Variants in TOMM34 observed in about 807,000 individuals in gnomAD.
TOMM34 encodes translocase of outer mitochondrial membrane 34.
In TOMM34, 24 loss-of-function variants were observed where a neutral mutation model predicts 37.4. The ratio of observed to expected loss-of-function variants is 0.64; its 90% CI spans 0.46 to 0.90. The LOEUF is 0.90. TOMM34 is among the 40% of genes least tolerant of loss of function. TOMM34 has a pLI of 0.00. For synonymous variants in TOMM34, 154 were observed against 148.9 expected (o/e 1.03, Z -0.25); for missense variants, 304 against 375.6 (o/e 0.81, Z 1.58).
chr20:44,947,772 G>C (rs1475699949), intron 5 of TOMM34, among the ~76,000 whole-genome samples: 1 of 152,122 alleles, frequency 6.6e-6, no homozygotes, highest in Admixed American at 6.5e-5. Context: ...CAAAGTGTTG[G>C]GATTACAGGC....
chr20:44,944,060 G>A (rs1005207940), intron 5 of TOMM34, among the ~76,000 whole-genome samples: 4 of 152,166 alleles, frequency 2.6e-5, no homozygotes, highest in African/African-American at 9.7e-5. Flanking sequence ...TTACTTTTAA[G>A]TGCATCAAAC....
chr20:44,951,205 A>G (rs1044319727), intron 4 of TOMM34, among the ~76,000 whole-genome samples: 8 of 152,142 alleles, frequency 5.3e-5, no homozygotes, highest in Non-Finnish European at 1.0e-4. Context: ...GGGGAAAAAA[A>G]TCCTATCTTT....
At chr20:44,955,881 T>C (rs1048613363) in intron 2 of TOMM34, among the ~76,000 whole-genome samples, 1 of 152,208 alleles carries the variant, frequency 6.6e-6, no homozygotes, top group African/African-American at 2.4e-5. Flanking sequence ...AGTTTAATGA[T>C]GATAAAAGAA....
intron 1 of TOMM34, among the ~76,000 whole-genome samples, chr20:44,957,584 C>T (rs755229880): frequency 4.6e-5 from 7 of 152,080 alleles, no homozygotes; most frequent in Non-Finnish European, 1.0e-4. Context: ...AATTTTGAAA[C>T]ATACAGAAGA....
In TOMM34 at chr20:44,951,913, C is replaced by A; in HGVS notation, c.470G>T (p.Arg157Met). 1.2e-6 allele frequency: 2 copies of A among 1,614,102 alleles called. No individual in the cohort carries two copies. The highest frequency in any genetic ancestry group is 1.7e-6 in the Non-Finnish European group (2 of 1,179,986). ...GTTCTCCGAAGGCAAGGAATTCCACCTCTTCTGAGCTGAAACAGGCACCAA... is the reference window on the plus strand; with the variant it reads ...GTTCTCCGAAGGCAAGGAATTCCACATCTTCTGAGCTGAAACAGGCACCAA... ...IPLVPVSAQK[R>M]WNSLPSENHK... Residue 157 changes from arginine (R) to methionine (M), a missense_variant, in exon 4 of 7, where the codon AGG (arginine) becomes ATG (methionine). Coordinates refer to ENST00000372813, the MANE Select transcript of TOMM34 (RefSeq NM_006809.5).
intron 2 of TOMM34, among the ~76,000 whole-genome samples, chr20:44,956,140 G>C (rs1458864331): frequency 1.3e-5 from 2 of 152,136 alleles, no homozygotes; most frequent in African/African-American, 4.8e-5. Flanking sequence ...TTTACGGCCT[G>C]CTTCTAACTG....
At position 44,960,329 on chromosome 20, in the gene TOMM34, G is replaced by T. The variant is rs1202669488; in HGVS notation, c.5C>A (p.Ala2Asp). 6 of 1,571,968 alleles carry T rather than the reference G, an allele frequency of 3.8e-6. No homozygotes were observed. The highest frequency in any genetic ancestry group is 5.2e-6 in the Non-Finnish European group (6 of 1,159,138). The change falls in exon 1 of 7, where the codon GCC becomes GAC. Residue 2 changes from alanine to aspartate, a missense_variant. Physicochemically the swap from Ala to Asp is moderately radical, Grantham distance 126. Coordinates refer to ENST00000372813, the MANE Select transcript of TOMM34 (RefSeq NM_006809.5). ...CTCCACAGAGTCTGGGAATTTGGGG[G>T]CCATCCCGTGGCCAGGCCGGCGAGT... M[A>D]PKFPDSVEEL...
Position 44,943,112 on chromosome 20 carries a change from G to C in TOMM34, c.927C>G (p.His309Gln), listed in dbSNP as rs756621021. The change falls in exon 7 of 7, where the codon CAC becomes CAG. Residue 309 changes from histidine (H) to glutamine (Q), a missense_variant. His to Gln is a conservative substitution (Grantham distance 24). Coordinates refer to ENST00000372813, the MANE Select transcript of TOMM34 (RefSeq NM_006809.5). ...KLRQEVKQNL[H>Q] is the part of the protein sequence containing the mutation. ...TTCCAGTTGCCCTGTTGGGTTTTTA[G>C]TGTAGGTTCTGCTTCACTTCCTGCC... 1.2e-6 allele frequency: 2 copies of C among 1,614,088 alleles called. No homozygotes were observed. The highest frequency in any genetic ancestry group is 3.3e-5 in the Admixed American group (2 of 60,030).
At chr20:44,954,343 AGTCT>A (rs1304450687) in intron 3 of TOMM34, among the ~76,000 whole-genome samples, 1 of 152,226 alleles carries the variant, frequency 6.6e-6, no homozygotes, top group Non-Finnish European at 1.5e-5. Flanking sequence ...CCTAGAGCAA[AGTCT>A]GTCACATAAT....
intron 1 of TOMM34, among the ~76,000 whole-genome samples, chr20:44,959,458 G>A (rs1229601436): frequency 6.6e-6 from 1 of 152,132 alleles, no homozygotes; most frequent in Non-Finnish European, 1.5e-5. Flanking sequence ...TTCATGCCAA[G>A]CTTCCAGTTT....
At chr20:44,945,805 G>A (rs1256331199) in intron 5 of TOMM34, among the ~76,000 whole-genome samples, 1 of 152,094 alleles carries the variant, frequency 6.6e-6, no homozygotes, top group Non-Finnish European at 1.5e-5. Flanking sequence ...AATGGTTGTT[G>A]TAAATCACCA....
rs374132687 is a variant in TOMM34, at chr20:44,953,229, C to A, written c.381-1227G>T. Among the ~76,000 whole-genome samples the A allele has an allele frequency of 4.6e-5, 7 of 152,312 alleles. No homozygotes were observed. The East Asian group carries it at 5.8e-4, about 13-fold the overall frequency. ...ACCCCTTGCCATCACAGGTATACTC[C>A]CCAGCTTCTCTTCAAGCCTGACTTT... On this transcript the variant is annotated intron_variant, in intron 3 of 6. Coordinates refer to ENST00000372813, the MANE Select transcript of TOMM34 (RefSeq NM_006809.5).
At position 44,943,472 on chromosome 20, in the gene TOMM34, T is replaced by C; in HGVS notation, c.806A>G (p.Gln269Arg). Residue 269 changes from glutamine to arginine, a missense_variant, in exon 6 of 7, where the codon CAA becomes CGA. Gln to Arg is a conservative substitution (Grantham distance 43). Coordinates refer to ENST00000372813, the MANE Select transcript of TOMM34 (RefSeq NM_006809.5). ...TTTTACCTTGAGTGCTTTGTGGGCT[T>C]GAGCCCGTCTGTAGAATGCCTTCAC... ...KNVKAFYRRA[Q>R]AHKALKDYKS... 6.2e-7 allele frequency: 1 copy of C among 1,614,180 alleles called. No homozygotes were observed. Among genetic ancestry groups the C allele is most frequent in the South Asian group, 1.1e-5 (1 of 91,088 alleles).
At chr20:44,958,072 T>G (rs2067089396) in intron 1 of TOMM34, among the ~76,000 whole-genome samples, 1 of 151,096 alleles carries the variant, frequency 6.6e-6, no homozygotes, top group South Asian at 2.1e-4. Flanking sequence ...TGTTCTACAT[T>G]TACATATATA....
At chr20:44,955,340 G>A (rs1423975709) in intron 2 of TOMM34, 120 bp from the exon 3 acceptor site, 29 of 1,318,360 alleles carry the variant, frequency 2.2e-5, no homozygotes, top group Middle Eastern at 2.1e-4. Flanking sequence ...TTCTGGCCGA[G>A]AGACATGGCT....
At chr20:44,958,482 C>A (rs2067097008) in intron 1 of TOMM34, 3 of 445,260 alleles carry the variant, frequency 6.7e-6, no homozygotes, top group South Asian at 3.2e-5. Flanking sequence ...ATCAACCCTG[C>A]GATCCGGACA....
intron 6 of TOMM34, 36 bp downstream of exon 6, chr20:44,943,417 C>T (rs1230070621): frequency 1.2e-6 from 2 of 1,613,782 alleles, no homozygotes; most frequent in East Asian, 2.2e-5. Flanking sequence ...ATCTCTGTAG[C>T]TATGTTGGGA....
chr20:44,958,386 A>C, intron 1 of TOMM34: 1 of 471,686 alleles, frequency 2.1e-6, no homozygotes, highest in Non-Finnish European at 4.4e-6. Context: ...CTTGCCCTTA[A>C]GGAGCTAAGT....
chr20:44,956,099 C>G (rs193221340), intron 2 of TOMM34, among the ~76,000 whole-genome samples: 4 of 152,302 alleles, frequency 2.6e-5, no homozygotes, highest in African/African-American at 9.6e-5. Flanking sequence ...GCCACTCCAC[C>G]TTATTCCCAG....
Sources: gnomAD v4.1 joint callset for allele counts (sites outside exome capture counted in the v4.1 genomes callset) on GRCh38, gnomAD v4.1.1 for gene constraint, MANE v1.5 for transcripts, NCBI Gene and HGNC (gene_info 2026-07-23, HGNC 2026-07-21) for gene names.